FASTKD2: variants seen among roughly 807,000 people sequenced by gnomAD.
The protein encoded by FASTKD2 is FAST kinase domains 2, also known as FAST kinase domain-containing protein 2, mitochondrial.
In FASTKD2, 51 loss-of-function variants were observed where a neutral mutation model predicts 63.6. That is an observed-to-expected ratio of 0.80 (90% CI 0.64 to 1.01). FASTKD2 has a LOEUF of 1.01. Ranked by LOEUF, FASTKD2 falls within the 50% of genes least tolerant of loss-of-function variation. The pLI, the probability that FASTKD2 is intolerant of heterozygous loss-of-function variation, is 0.00. For synonymous variants in FASTKD2, 284 were observed against 293.4 expected, an observed-to-expected ratio of 0.97 and a Z score of 0.33; for missense variants, 786 against 831.1, an observed-to-expected ratio of 0.95 and a Z score of 0.67.
At chr2:206,780,436 T>G (rs1689941787) in intron 7 of FASTKD2, among the ~76,000 whole-genome samples, 1 of 152,238 alleles carries the variant, frequency 6.6e-6, no homozygotes, top group Admixed American at 6.5e-5. Flanking sequence ...TTCTCTGGCC[T>G]GCAAAGTTTC....
At position 206,777,985 on chromosome 2, in the gene FASTKD2, T is replaced by C. The variant is rs184236393; in HGVS notation, c.1427+3588T>C. Among the ~76,000 whole-genome samples, 348 of 152,256 alleles carry C rather than the reference T, an allele frequency of 2.3e-3. 2 individuals carry two copies. Among genetic ancestry groups the C allele is most frequent in the African/African-American group, 7.9e-3 (328 of 41,584 alleles). Reference sequence around the variant, plus strand: ...ATGAGCCTTTTTTATTTCTGTGGCATTGGTTTTTATTTCTAGTTATAATGT... The same window carrying C: ...ATGAGCCTTTTTTATTTCTGTGGCACTGGTTTTTATTTCTAGTTATAATGT... On this transcript the variant is annotated intron_variant, in intron 7 of 11. Transcript: ENST00000402774.
At position 206,766,959 on chromosome 2, in the gene FASTKD2, G is replaced by A. The variant is rs1317181507; in HGVS notation, c.266G>A (p.Gly89Asp). ...QDAFIFKSDV[G>D]FQTKGISTLT... Reference sequence around the variant, plus strand: ...GCATTCATTTTTAAATCAGATGTTGGCTTTCAAACAAAGGGCATAAGCACT... The same window carrying A: ...GCATTCATTTTTAAATCAGATGTTGACTTTCAAACAAAGGGCATAAGCACT... The change falls in exon 2 of 12, where the codon GGC (glycine) becomes GAC (aspartate). Residue 89 changes from glycine to aspartate, a missense_variant. Physicochemically the swap from Gly to Asp is moderately conservative, Grantham distance 94. Transcript: ENST00000402774. The A allele has an allele frequency of 2.5e-6, 4 of 1,607,528 alleles. No individual in the cohort carries two copies. The highest frequency in any genetic ancestry group is 4.5e-5 in the East Asian group (2 of 44,716).
rs1024600653 is a variant in FASTKD2 at position 206,795,711 on chromosome 2, A to G, written c.*3909A>G. Among the ~76,000 whole-genome samples the G allele has an allele frequency of 6.6e-6, 1 of 152,208 alleles. No homozygotes were observed. Among genetic ancestry groups the G allele is most frequent in the Non-Finnish European group, 1.5e-5 (1 of 68,032 alleles). ...TACCTACTTGAAACTGGGAAGGCCA[A>G]ATGAGATAGAGGTAATGTTTCTGCC... On this transcript the variant is annotated 3_prime_UTR_variant, in exon 12 of 12. Coordinates refer to ENST00000402774, the MANE Select transcript of FASTKD2 (RefSeq NM_001136193.2).
chr2:206,785,222 C>T (rs1690109242), intron 7 of FASTKD2, among the ~76,000 whole-genome samples: 1 of 152,166 alleles, frequency 6.6e-6, no homozygotes, highest in Non-Finnish European at 1.5e-5. Context: ...CTGGGTCCCT[C>T]ACAACACAAG....
At chr2:206,769,933 A>G (rs773012347) in intron 2 of FASTKD2, among the ~76,000 whole-genome samples, 158 bp from the exon 3 acceptor site, 13 of 152,196 alleles carry the variant, frequency 8.5e-5, no homozygotes, top group Non-Finnish European at 1.6e-4. Context: ...ATGACTTTTT[A>G]TTTCCCAAAG....
Position 206,794,831 on chromosome 2 carries a change from A to T in FASTKD2, c.*3029A>T, listed in dbSNP as rs1468592443. ...AATTTATAGAATGTCATGTGTTGTG[A>T]GGGTAGTCACCCTGCAACTGGCTTG... On this transcript the variant is annotated 3_prime_UTR_variant, in exon 12 of 12. Transcript: ENST00000402774. 6.6e-6 allele frequency among the ~76,000 whole-genome samples: 1 copy of T among 152,208 alleles called. No homozygotes were observed. Among genetic ancestry groups the T allele is most frequent in the African/African-American group, 2.4e-5 (1 of 41,444 alleles).
chr2:206,790,918 A>G, intron 11 of FASTKD2: 1 of 487,734 alleles, frequency 2.1e-6, no homozygotes, highest in East Asian at 3.7e-5. Context: ...TGTTCTGGTC[A>G]GCTTTAATCC....
At chr2:206,785,844 C>G (rs577017001) in intron 7 of FASTKD2, among the ~76,000 whole-genome samples, 207 of 152,258 alleles carry the variant, frequency 1.4e-3, no homozygotes, top group African/African-American at 4.8e-3. Context: ...TCATTGTTAA[C>G]AAGGGCTTGT....
intron 7 of FASTKD2, among the ~76,000 whole-genome samples, chr2:206,784,255 TG>T (rs1487016325): frequency 6.6e-6 from 1 of 152,222 alleles, no homozygotes; most frequent in Non-Finnish European, 1.5e-5. Flanking sequence ...AGGCAGTACA[TG>T]GTAGGCACCA....
chr2:206,771,816 C>A (rs1453496040), intron 4 of FASTKD2, 78 bp from the exon 5 acceptor site: 67 of 1,184,360 alleles, frequency 5.7e-5, no homozygotes, highest in Non-Finnish European at 7.8e-5. Context: ...CAGCACAAGA[C>A]CCTGTCTCAA....
At chr2:206,771,751 G>A (rs1005461541) in intron 4 of FASTKD2, 143 bp from the exon 5 acceptor site, 3 of 659,488 alleles carry the variant, frequency 4.5e-6, no homozygotes, top group East Asian at 5.5e-5. Flanking sequence ...CTACATGGGC[G>A]GCTGAGGCAG....
rs1350804511 is a variant in FASTKD2, at chr2:206,795,870, C to A, written c.*4068C>A. On this transcript the variant is annotated 3_prime_UTR_variant, in exon 12 of 12. Transcript: ENST00000402774. ...TAAAATAATGTGGCTCTGGAGCCAG[C>A]AATGGGCAGCATCTTCATGACTTTC... 1.3e-5 allele frequency among the ~76,000 whole-genome samples: 2 copies of A among 152,174 alleles called. No homozygotes were observed. Among genetic ancestry groups the A allele is most frequent in the Non-Finnish European group, 1.5e-5 (1 of 68,036 alleles).
chr2:206,775,568 T>G (rs1689803328), intron 7 of FASTKD2, among the ~76,000 whole-genome samples: 1 of 147,480 alleles, frequency 6.8e-6, no homozygotes, highest in South Asian at 2.1e-4. Flanking sequence ...GTAGTTTTTT[T>G]GTTTGTTTTT....
intron 7 of FASTKD2, among the ~76,000 whole-genome samples, chr2:206,785,708 C>A (rs1025297685): frequency 6.6e-6 from 1 of 152,120 alleles, no homozygotes; most frequent in African/African-American, 2.4e-5. Context: ...CTTGCTATTG[C>A]GTATATGATC....
rs1374420500 is a variant in FASTKD2, at chr2:206,771,125, A to AT, written c.882-52dup. The AT allele has an allele frequency of 1.8e-5, 20 of 1,101,708 alleles. No individual in the cohort carries two copies. The Admixed American group carries it at 3.4e-4, about 19-fold the overall frequency. The allele number at this position is 1,101,708 out of a possible 1,614,324, so 68.2% of individuals were successfully genotyped here. On this transcript the variant is annotated intron_variant, in intron 3 of 11. Coordinates refer to ENST00000402774, the MANE Select transcript of FASTKD2 (RefSeq NM_001136193.2). Reference sequence around the variant, plus strand: ...GGGCTGGACCAAATGAAATTTTAAGATTTTTCTTCTGCTTTGAAGATTCTA... The same window carrying AT: ...GGGCTGGACCAAATGAAATTTTAAGATTTTTTCTTCTGCTTTGAAGATTCTA...
At chr2:206,769,965 CTG>C (rs1158106887) in intron 2 of FASTKD2, 124 bp from the exon 3 acceptor site, 5 of 715,234 alleles carry the variant, frequency 7.0e-6, no homozygotes, top group Admixed American at 2.0e-5. Flanking sequence ...TGTGGACTGA[CTG>C]TAGGAATTGT....
intron 7 of FASTKD2, among the ~76,000 whole-genome samples, chr2:206,781,292 A>C (rs1403093504): frequency 7.0e-6 from 1 of 142,328 alleles, no homozygotes; most frequent in East Asian, 2.1e-4. Context: ...GGCCTCTTAA[A>C]CTTTTTCTAT....
intron 7 of FASTKD2, among the ~76,000 whole-genome samples, chr2:206,783,762 G>A (rs1176558553): frequency 6.6e-6 from 1 of 152,206 alleles, no homozygotes; most frequent in East Asian, 1.9e-4. Context: ...TACAGGAGGA[G>A]AATCATGAAT....
At position 206,795,239 on chromosome 2, in the gene FASTKD2, C is replaced by T. The variant is rs1403574516; in HGVS notation, c.*3437C>T. Among the ~76,000 whole-genome samples the T allele has an allele frequency of 6.6e-6, 1 of 151,600 alleles. No individual in the cohort carries two copies. Among genetic ancestry groups the T allele is most frequent in the Non-Finnish European group, 1.5e-5 (1 of 67,846 alleles). On this transcript the variant is annotated 3_prime_UTR_variant, in exon 12 of 12. Coordinates refer to ENST00000402774, the MANE Select transcript of FASTKD2 (RefSeq NM_001136193.2). ...CCCAGAAGGCAGGAGATGGCTATCT[C>T]TTTTTTTTTCCTGAGACGGAGTCGT...
Sources: gnomAD v4.1 joint callset for allele counts (sites outside exome capture counted in the v4.1 genomes callset) on GRCh38, gnomAD v4.1.1 for gene constraint, MANE v1.5 for transcripts, NCBI Gene and HGNC (gene_info 2026-07-23, HGNC 2026-07-21) for gene names.